The following DNAH3 variants were observed in gnomAD, a reference collection of about 807,000 sequenced individuals.
DNAH3 encodes dynein axonemal heavy chain 3.
DNAH3 carries 332 observed loss-of-function variants against 432.5 expected under a neutral mutation model. That is an observed-to-expected ratio of 0.77 (90% CI 0.70 to 0.84). DNAH3 has a LOEUF of 0.84. DNAH3 is among the 40% of genes least tolerant of loss of function. The probability of loss-of-function intolerance (pLI) is 0.00; values close to 1 mark genes in which losing one functional copy is unlikely to be tolerated. For synonymous variants in DNAH3, 1,956 were observed against 1,900.2 expected (o/e 1.03, Z -0.76); for missense variants, 4,861 against 5,114.0 (o/e 0.95, Z 1.51).
chr16:20,959,375 T>C (rs763567962), exon 54 of DNAH3: 14 of 1,613,136 alleles, frequency 8.7e-6, no homozygotes, highest in Middle Eastern at 1.7e-4. Context: ...GTACCTCCCA[T>C]ACCAAGATCA....
At position 21,033,879 on chromosome 16, in the gene DNAH3, C is replaced by T. The variant is rs924618561; in HGVS notation, c.5197+95G>A. ...TCTAGCTCTGACGTCACGATCGAGG[C>T]CTGACAAGACTAGCAGCCTGGCATT... On this transcript the variant is annotated intron_variant, in intron 36 of 61. Coordinates refer to ENST00000261383, the Ensembl canonical transcript of DNAH3. The T allele has an allele frequency of 7.4e-5, 58 of 786,492 alleles. 1 individual carries two copies. The highest frequency in any genetic ancestry group is 1.2e-4 in the Non-Finnish European group (56 of 473,374). 48.7% of individuals were successfully genotyped at this position (786,492 alleles called of 1,614,324 possible). A position where few individuals can be genotyped will look rare whatever the true frequency, so the allele number is the denominator to read the frequency against.
chr16:21,015,890 G>A (rs2152706261), intron 41 of DNAH3, among the ~76,000 whole-genome samples: 1 of 152,248 alleles, frequency 6.6e-6, no homozygotes, highest in Non-Finnish European at 1.5e-5. Context: ...CCAGGTTCAA[G>A]CAATTCTCCT....
At chr16:21,127,606 G>T (rs2092469366) in intron 8 of DNAH3, 81 bp downstream of exon 9, 1 of 1,532,030 alleles carries the variant, frequency 6.5e-7, no homozygotes, top group East Asian at 2.3e-5. Context: ...CAAACCCCAG[G>T]CTGGGTACCA....
chr16:21,107,158 G>A (rs953579611), intron 14 of DNAH3, among the ~76,000 whole-genome samples: 1 of 150,520 alleles, frequency 6.6e-6, no homozygotes, highest in Admixed American at 6.6e-5. Context: ...ACAGAACCTA[G>A]ATTTAGACCA....
chr16:21,082,814 T>A (rs1470201028), intron 19 of DNAH3, among the ~76,000 whole-genome samples: 1 of 119,912 alleles, frequency 8.3e-6, no homozygotes, highest in Non-Finnish European at 1.7e-5. Flanking sequence ...GGCAACAGAG[T>A]GAGACTCCAT....
chr16:21,072,674 C>A (rs1157831257), intron 21 of DNAH3, among the ~76,000 whole-genome samples: 1 of 151,868 alleles, frequency 6.6e-6, no homozygotes, highest in African/African-American at 2.4e-5. Context: ...GAGACAGGGT[C>A]TCACTCTGTC....
intron 48 of DNAH3, 121 bp downstream of exon 48, chr16:20,984,928 G>A (rs1403841102): frequency 3.1e-5 from 27 of 869,122 alleles, no homozygotes; most frequent in Admixed American, 1.4e-4. Context: ...CCCTGACCCC[G>A]AGCTGGTGCG....
intron 19 of DNAH3, among the ~76,000 whole-genome samples, chr16:21,084,168 G>T (rs1009666508): frequency 6.6e-6 from 1 of 152,058 alleles, no homozygotes; most frequent in East Asian, 1.9e-4. Context: ...GTGAAATGGA[G>T]ATAATAATAA....
intron 53 of DNAH3, 67 bp downstream of exon 53, chr16:20,963,217 C>G: frequency 2.1e-6 from 3 of 1,454,322 alleles, no homozygotes; most frequent in Non-Finnish European, 2.8e-6. Context: ...CTGTAAGGGA[C>G]GGGCTACTGA....
rs758362896 is a variant in DNAH3, at chr16:21,029,273, TA to T, written c.5439+1771del. 1.1e-4 allele frequency among the ~76,000 whole-genome samples: 17 copies of T among 152,344 alleles called. 3 individuals carry two copies. Among genetic ancestry groups the T allele is most frequent in the Admixed American group, 4.6e-4 (7 of 15,298 alleles). ...AGTGGATGTGTATAATTTGGATAAT[TA>T]GCCCTTTCGTTGTTGAGCATGACTC... On this transcript the variant is annotated intron_variant, in intron 37 of 61. Coordinates refer to ENST00000261383, the Ensembl canonical transcript of DNAH3.
In DNAH3 at chr16:20,975,282, G is replaced by A. The variant is rs201699403; in HGVS notation, c.8210C>T (p.Ala2737Val). 10 of 1,613,996 alleles carry A rather than the reference G, an allele frequency of 6.2e-6. No individual in the cohort carries two copies. In the East Asian group the frequency reaches 2.2e-4, roughly 36 times the overall value. ...AGCAACATTGGCTTCTTTTTCATCT[G>A]CCTGCACCAGAAGTTTCTTTCCATC... The change falls in exon 51 of 62, where the codon GCA becomes GTA. Residue 2737 changes from alanine (A) to valine (V), a missense_variant. By Grantham distance (64) the Ala-to-Val change is moderately conservative. Transcript: ENST00000261383.
At chr16:20,964,217 G>C (rs1464351447) in exon 53 of DNAH3, 1 of 1,614,096 alleles carries the variant, frequency 6.2e-7, no homozygotes, top group South Asian at 1.1e-5. Flanking sequence ...ACAATCAACT[G>C]GTTCTTTTTC....
intron 58 of DNAH3, among the ~76,000 whole-genome samples, chr16:20,942,743 C>G (rs2083872800): frequency 6.6e-6 from 1 of 152,122 alleles, no homozygotes; most frequent in Admixed American, 6.6e-5. Flanking sequence ...ATTTGTTTCT[C>G]TCTTCATTTG....
chr16:21,032,857 T>C (rs1403589436), intron 36 of DNAH3, among the ~76,000 whole-genome samples: 4 of 152,058 alleles, frequency 2.6e-5, no homozygotes, highest in Admixed American at 2.0e-4. Flanking sequence ...AACACAGTGG[T>C]AGCCTCCTTT....
At chr16:21,052,028 G>C (rs2089975642) in intron 28 of DNAH3, among the ~76,000 whole-genome samples, 160 bp from the exon 29 acceptor site, 1 of 151,982 alleles carries the variant, frequency 6.6e-6, no homozygotes, top group African/African-American at 2.4e-5. Context: ...GTCTCGCTCT[G>C]TCCCCCATTC....
chr16:21,100,259 A>G (rs2091803177), intron 16 of DNAH3, among the ~76,000 whole-genome samples: 1 of 152,078 alleles, frequency 6.6e-6, no homozygotes, highest in Non-Finnish European at 1.5e-5. Flanking sequence ...TTTCATAGAG[A>G]TGTGGTTTCA....
At chr16:20,980,862 T>C (rs1382229407) in intron 49 of DNAH3, among the ~76,000 whole-genome samples, 22 of 152,196 alleles carry the variant, frequency 1.4e-4, no homozygotes, top group Admixed American at 1.4e-3. Context: ...AAGGGTCAGA[T>C]AATAAATATT....
At chr16:21,132,045 T>A (rs1167913517) in intron 7 of DNAH3, among the ~76,000 whole-genome samples, 1 of 152,160 alleles carries the variant, frequency 6.6e-6, no homozygotes, top group Non-Finnish European at 1.5e-5. Flanking sequence ...TTACTTCTTT[T>A]TTCTCAATGT....
At chr16:20,983,732 G>A (rs773440937) in intron 48 of DNAH3, among the ~76,000 whole-genome samples, 1 of 152,018 alleles carries the variant, frequency 6.6e-6, no homozygotes, top group Non-Finnish European at 1.5e-5. Flanking sequence ...AAGAACAGAG[G>A]CCTGGCACAG....
Sources: gnomAD v4.1 joint callset for allele counts (sites outside exome capture counted in the v4.1 genomes callset) on GRCh38, gnomAD v4.1.1 for gene constraint, MANE v1.5 for transcripts, NCBI Gene and HGNC (gene_info 2026-07-23, HGNC 2026-07-21) for gene names.